TTC3: variants seen among roughly 807,000 people sequenced by gnomAD.
The protein encoded by TTC3 is tetratricopeptide repeat domain 3.
Under a neutral mutation model 249.6 loss-of-function variants are expected in TTC3, and 180 were observed. The observed-to-expected ratio is 0.72, with a 90% CI of 0.64 to 0.82. TTC3 has a LOEUF of 0.82. Ranked by LOEUF, TTC3 falls within the 40% of genes least tolerant of loss-of-function variation. The pLI, the probability that TTC3 is intolerant of heterozygous loss-of-function variation, is 0.00. For synonymous variants in TTC3, 717 were observed against 805.0 expected (o/e 0.89, Z 1.85); for missense variants, 2,061 against 2,398.4 (o/e 0.86, Z 2.94).
In TTC3 at chr21:37,135,525, C is replaced by T. The variant is rs779367632; in HGVS notation, c.1578+11C>T. ...CCTCAAAAAATAAAGGTAAATTTGC[C>T]ATATCATAACTTGTTTATCAATGCT... On this transcript the variant is annotated intron_variant, in intron 18 of 45. Transcript: ENST00000355666. The T allele has an allele frequency of 2.5e-6, 4 of 1,610,010 alleles. No individual in the cohort carries two copies. Among genetic ancestry groups the T allele is most frequent in the Non-Finnish European group, 3.4e-6 (4 of 1,177,752 alleles).
chr21:37,124,664 A>T (rs1443951939), exon 14 of TTC3: 2 of 1,613,324 alleles, frequency 1.2e-6, no homozygotes, highest in Admixed American at 1.7e-5. Context: ...TTACTACTTC[A>T]CTTAACTTTG....
At chr21:37,146,390 A>G (rs937065519) in intron 21 of TTC3, among the ~76,000 whole-genome samples, 5 of 152,120 alleles carry the variant, frequency 3.3e-5, no homozygotes, top group African/African-American at 9.7e-5. Context: ...ATAGTGGCAC[A>G]TGCCTGTAGT....
intron 44 of TTC3, among the ~76,000 whole-genome samples, chr21:37,199,663 C>T (rs2085295573): frequency 6.6e-6 from 1 of 152,216 alleles, no homozygotes. Flanking sequence ...ATCTCCCTTA[C>T]CCTGAGGCAA....
chr21:37,129,961 A>G (rs898038955), intron 16 of TTC3, among the ~76,000 whole-genome samples: 1 of 152,116 alleles, frequency 6.6e-6, no homozygotes, highest in Non-Finnish European at 1.5e-5. Context: ...TATTGTTAAC[A>G]CCCCATTGAC....
chr21:37,091,870 C>T (rs149177390), intron 7 of TTC3, among the ~76,000 whole-genome samples: 116 of 152,262 alleles, frequency 7.6e-4, no homozygotes, highest in African/African-American at 2.7e-3. Flanking sequence ...CGTGGGCCAC[C>T]GTGCCTGGCC....
intron 35 of TTC3, 138 bp from the exon 36 acceptor site, chr21:37,182,636 G>C: frequency 1.2e-6 from 1 of 860,322 alleles, no homozygotes. Flanking sequence ...TCTGCCACAG[G>C]GCGCCAGCTT....
chr21:37,108,243 A>G lies in TTC3; in HGVS notation c.846-149A>G, dbSNP rs537897246. On this transcript the variant is annotated intron_variant, in intron 10 of 45. Transcript: ENST00000355666. ...TTCTGTATTTTCCAAATTTCCTATA[A>G]TGGACATATATTATATGGATTTTTT... 1.3e-4 allele frequency: 77 copies of G among 603,480 alleles called. No homozygotes were observed. In the African/African-American group the frequency reaches 1.4e-3, roughly 11 times the overall value. 37.4% of individuals were successfully genotyped at this position (603,480 alleles called of 1,614,324 possible).
chr21:37,091,027 G>A (rs1450965998), intron 6 of TTC3, among the ~76,000 whole-genome samples: 1 of 152,168 alleles, frequency 6.6e-6, no homozygotes, highest in Non-Finnish European at 1.5e-5. Context: ...CAAATTGCAG[G>A]TCTGTAGTAA....
chr21:37,177,000 A>G (rs959713259), intron 35 of TTC3, among the ~76,000 whole-genome samples: 31 of 152,156 alleles, frequency 2.0e-4, no homozygotes. Flanking sequence ...GTGACACATG[A>G]CTGTAATCGC....
At chr21:37,102,152 C>G in intron 10 of TTC3, among the ~76,000 whole-genome samples, 1 of 152,150 alleles carries the variant, frequency 6.6e-6, no homozygotes, top group South Asian at 2.1e-4. Flanking sequence ...ATTACAGACA[C>G]TTTTTATTTA....
intron 1 of TTC3, among the ~76,000 whole-genome samples, chr21:37,077,492 C>G (rs1463738456): frequency 1.3e-5 from 2 of 152,174 alleles, no homozygotes; most frequent in Non-Finnish European, 2.9e-5. Context: ...AGATTACTTT[C>G]TGAAGGGGTT....
At chr21:37,143,629 T>A (rs1234370008) in intron 20 of TTC3, among the ~76,000 whole-genome samples, 1 of 151,400 alleles carries the variant, frequency 6.6e-6, no homozygotes, top group Non-Finnish European at 1.5e-5. Context: ...ATAGGAACAC[T>A]TTTACACTGT....
At position 37,108,303 on chromosome 21, in the gene TTC3, A is replaced by G. The variant is rs1601480982; in HGVS notation, c.846-89A>G. 8 of 1,047,196 alleles carry G rather than the reference A, an allele frequency of 7.6e-6. No homozygotes were observed. The East Asian group carries it at 1.6e-4, about 21-fold the overall frequency. The allele number at this position is 1,047,196 out of a possible 1,614,324, so 64.9% of individuals were successfully genotyped here. ...ATTATCTTTTGACTAGATAATATAC[A>G]TGGAAAATTCACAAAGTACACATAT... is the stretch of plus-strand genomic sequence containing the variant. On this transcript the variant is annotated intron_variant, in intron 10 of 45. Transcript: ENST00000355666.
chr21:37,113,540 A>G (rs1403524424), intron 11 of TTC3, among the ~76,000 whole-genome samples: 1 of 152,210 alleles, frequency 6.6e-6, no homozygotes, highest in Non-Finnish European at 1.5e-5. Flanking sequence ...AAAAGAGGAT[A>G]CAAACAAATG....
At chr21:37,165,508 A>G (rs777972939) in intron 32 of TTC3, 42 bp from the exon 33 acceptor site, 1 of 1,454,590 alleles carries the variant, frequency 6.9e-7, no homozygotes, top group Admixed American at 2.2e-5. Context: ...ATATTCAAGT[A>G]CTTCCTTATA....
chr21:37,080,323 T>C (rs2071455556), intron 1 of TTC3, among the ~76,000 whole-genome samples: 1 of 152,102 alleles, frequency 6.6e-6, no homozygotes, highest in African/African-American at 2.4e-5. Flanking sequence ...CCTTTAATTA[T>C]CGATTTCTTA....
At chr21:37,081,876 T>C (rs1460887956) in intron 1 of TTC3, 2 of 151,162 alleles carry the variant, frequency 1.3e-5, no homozygotes, top group African/African-American at 4.9e-5. Flanking sequence ...TTTTTTTTTT[T>C]TTTTTTAAGA....
At chr21:37,081,972 C>G (rs1053062327) in intron 1 of TTC3, 1 of 151,484 alleles carries the variant, frequency 6.6e-6, no homozygotes, top group Admixed American at 6.6e-5. Context: ...TCACGCCATT[C>G]TCCTGCCTCA....
intron 34 of TTC3, among the ~76,000 whole-genome samples, chr21:37,171,135 T>C (rs1033300682): frequency 6.6e-6 from 1 of 152,234 alleles, no homozygotes; most frequent in Non-Finnish European, 1.5e-5. Flanking sequence ...GGCAGTCTTA[T>C]AGTGAACATT....
Sources: allele counts gnomAD v4.1 joint callset (sites outside exome capture counted in the v4.1 genomes callset), GRCh38; gene constraint gnomAD v4.1.1; transcripts MANE v1.5; gene names NCBI Gene and HGNC (gene_info 2026-07-23, HGNC 2026-07-21).